Variants in MOB3B observed in about 807,000 individuals in gnomAD.
The protein encoded by MOB3B is MOB kinase activator-like 2B.
Under a neutral mutation model 18.7 loss-of-function variants are expected in MOB3B, and 7 were observed. That is an observed-to-expected ratio of 0.37 (90% CI 0.21 to 0.70). The LOEUF is 0.70. Ranked by LOEUF, MOB3B falls within the 30% of genes least tolerant of loss-of-function variation. MOB3B has a pLI of 0.52. For synonymous variants in MOB3B, 111 were observed against 99.9 expected (o/e 1.11, Z -0.66); for missense variants, 253 against 281.3 (o/e 0.90, Z 0.72).
chr9:27,442,991 T>G (rs1310634113), intron 2 of MOB3B, among the ~76,000 whole-genome samples: 1 of 152,182 alleles, frequency 6.6e-6, no homozygotes, highest in African/African-American at 2.4e-5. Flanking sequence ...TCAGGCAGAA[T>G]TTGCTCGCCC....
chr9:27,501,717 A>T (rs900456498), intron 1 of MOB3B, among the ~76,000 whole-genome samples: 1 of 150,960 alleles, frequency 6.6e-6, no homozygotes, highest in African/African-American at 2.4e-5. Context: ...CAGTGAGCCA[A>T]GATCGCCCCA....
At chr9:27,429,171 C>T (rs1281176880) in intron 2 of MOB3B, among the ~76,000 whole-genome samples, 2 of 152,120 alleles carry the variant, frequency 1.3e-5, no homozygotes, top group Non-Finnish European at 2.9e-5. Context: ...TCTCATAAAT[C>T]GTAGGAACAC....
intron 2 of MOB3B, among the ~76,000 whole-genome samples, chr9:27,412,901 C>T (rs187011135): frequency 1.7e-3 from 258 of 152,310 alleles, no homozygotes; most frequent in African/African-American, 5.7e-3. Flanking sequence ...ACCTGTGAGA[C>T]GTCACAGTTG....
chr9:27,450,393 G>A (rs1822765823), intron 2 of MOB3B, among the ~76,000 whole-genome samples: 1 of 152,172 alleles, frequency 6.6e-6, no homozygotes, highest in African/African-American at 2.4e-5. Context: ...TTATGGGCCA[G>A]CAGAGGGTTT....
At chr9:27,398,423 T>C (rs1027657786) in intron 2 of MOB3B, among the ~76,000 whole-genome samples, 1 of 152,208 alleles carries the variant, frequency 6.6e-6, no homozygotes, top group Admixed American at 6.5e-5. Flanking sequence ...GTTATAAAAA[T>C]GAAGATAATA....
chr9:27,378,045 C>T (rs902148258), intron 2 of MOB3B, among the ~76,000 whole-genome samples: 3 of 152,246 alleles, frequency 2.0e-5, no homozygotes, highest in African/African-American at 7.2e-5. Flanking sequence ...TACACCACAT[C>T]ATTTAATTCT....
intron 1 of MOB3B, among the ~76,000 whole-genome samples, chr9:27,477,627 G>C (rs1819574547): frequency 1.3e-5 from 2 of 152,220 alleles, no homozygotes; most frequent in African/African-American, 4.8e-5. Flanking sequence ...AAAAATGTCA[G>C]TCTGAATTTA....
chr9:27,343,911 A>G (rs546496372), intron 3 of MOB3B, among the ~76,000 whole-genome samples: 1 of 152,046 alleles, frequency 6.6e-6, no homozygotes, highest in African/African-American at 2.4e-5. Context: ...TAAAGACCCA[A>G]TTCATATGTG....
intron 2 of MOB3B, among the ~76,000 whole-genome samples, chr9:27,441,378 G>T (rs1221276787): frequency 1.3e-5 from 2 of 151,806 alleles, no homozygotes; most frequent in African/African-American, 4.8e-5. Context: ...GCACTTTATG[G>T]CTTCTCTTTG....
At chr9:27,377,029 C>T (rs960838690) in intron 2 of MOB3B, among the ~76,000 whole-genome samples, 2 of 152,180 alleles carry the variant, frequency 1.3e-5, no homozygotes, top group African/African-American at 4.8e-5. Context: ...AATGACTTAG[C>T]CTCTCTGAGG....
chr9:27,335,441 T>A (rs1252906216), intron 3 of MOB3B, among the ~76,000 whole-genome samples: 1 of 152,224 alleles, frequency 6.6e-6, no homozygotes, highest in East Asian at 1.9e-4. Flanking sequence ...AGAGGCAATT[T>A]GTGTACACAG....
chr9:27,329,273 C>T lies in MOB3B; in HGVS notation c.*1314G>A, dbSNP rs1490655886. On this transcript the variant is annotated 3_prime_UTR_variant, in exon 4 of 4. Coordinates refer to ENST00000262244, the MANE Select transcript of MOB3B (RefSeq NM_024761.5). ...CCCCCTCGTCACAGGTGGTCAGAACCACCACAGTTTTGTGAATGAATCAGA... is the reference window on the plus strand; with the variant it reads ...CCCCCTCGTCACAGGTGGTCAGAACTACCACAGTTTTGTGAATGAATCAGA... 6.6e-6 allele frequency: 1 copy of T among 152,028 alleles called. No individual in the cohort carries two copies. The highest frequency in any genetic ancestry group is 2.4e-5 in the African/African-American group (1 of 41,368). The allele number at this position is 152,028 out of a possible 1,614,324, so 9.4% of individuals were successfully genotyped here. A position where few individuals can be genotyped will look rare whatever the true frequency, so the allele number is the denominator to read the frequency against.
chr9:27,334,844 A>T (rs1820840973), intron 3 of MOB3B, among the ~76,000 whole-genome samples: 1 of 98,962 alleles, frequency 1.0e-5, no homozygotes, highest in East Asian at 3.1e-4. Context: ...TCTTTTTGAG[A>T]TGGAGTCTCG....
intron 2 of MOB3B, among the ~76,000 whole-genome samples, chr9:27,365,094 T>G (rs771382216): frequency 4.0e-4 from 59 of 145,750 alleles, no homozygotes; most frequent in Middle Eastern, 3.8e-3. Context: ...CGATCAAAAT[T>G]GAATCAGAAA....
At chr9:27,496,454 G>A (rs964002430) in intron 1 of MOB3B, among the ~76,000 whole-genome samples, 15 of 152,188 alleles carry the variant, frequency 9.9e-5, no homozygotes, top group African/African-American at 2.7e-4. Context: ...TGGCTCTTTT[G>A]TTGCAAAGTG....
At chr9:27,425,411 A>G (rs1411740975) in intron 2 of MOB3B, among the ~76,000 whole-genome samples, 1 of 151,822 alleles carries the variant, frequency 6.6e-6, no homozygotes, top group East Asian at 1.9e-4. Context: ...CAACAAAAAA[A>G]CAAAGTCACT....
chr9:27,464,225 G>A (rs1400519293), intron 1 of MOB3B, among the ~76,000 whole-genome samples: 6 of 152,078 alleles, frequency 3.9e-5, no homozygotes, highest in Non-Finnish European at 8.8e-5. Context: ...GGTAGGGGTG[G>A]GGGGCACGGT....
At chr9:27,465,664 G>T in intron 1 of MOB3B, among the ~76,000 whole-genome samples, 1 of 152,164 alleles carries the variant, frequency 6.6e-6, no homozygotes, top group East Asian at 1.9e-4. Flanking sequence ...CTTTTGCCTG[G>T]GTATCCAGGC....
chr9:27,527,765 G>C (rs1180330933), intron 1 of MOB3B, among the ~76,000 whole-genome samples: 5 of 152,250 alleles, frequency 3.3e-5, no homozygotes, highest in African/African-American at 1.2e-4. Flanking sequence ...CACAGTCTCA[G>C]TCAGCCTCCC....
Sources: gnomAD v4.1 joint callset for allele counts (sites outside exome capture counted in the v4.1 genomes callset) on GRCh38, gnomAD v4.1.1 for gene constraint, MANE v1.5 for transcripts, NCBI Gene and HGNC (gene_info 2026-07-23, HGNC 2026-07-21) for gene names.